Variants in RASGRF1 observed in about 807,000 individuals in gnomAD.
RASGRF1 encodes the protein Ras protein specific guanine nucleotide releasing factor 1.
A neutral mutation model predicts 138.7 loss-of-function variants in RASGRF1; 40 were observed. The ratio of observed to expected loss-of-function variants is 0.29; its 90% CI spans 0.22 to 0.38. The LOEUF is 0.38. Among genes scored for constraint, RASGRF1 ranks in the 10% least tolerant of loss-of-function variants. RASGRF1 has a pLI of 1.00. For missense variants in RASGRF1, 1,108 were observed against 1,650.4 expected (o/e 0.67, Z 5.69); for synonymous variants, 614 against 663.2 (o/e 0.93, Z 1.14).
chr15:79,030,183 A>C (rs1595919092), intron 8 of RASGRF1, among the ~76,000 whole-genome samples: 2 of 152,144 alleles, frequency 1.3e-5, no homozygotes, highest in African/African-American at 4.8e-5. Flanking sequence ...CCCTCCACCC[A>C]GCTGGGAGCT....
At chr15:78,969,018 T>G (rs1268273311) in intron 26 of RASGRF1, among the ~76,000 whole-genome samples, 3 of 152,174 alleles carry the variant, frequency 2.0e-5, no homozygotes, top group African/African-American at 7.2e-5. Context: ...TGACTACAAA[T>G]CCCCACCTGT....
In RASGRF1 at chr15:78,998,242, C is replaced by T. The variant is rs1022650456; in HGVS notation, c.2854-34G>A. On this transcript the variant is annotated intron_variant, in intron 18 of 26. Transcript: ENST00000558480. ...AAGGTGTGATGGGTGGCTCTGGTTA[C>T]TGTTTTTGAGCTGCTCTGCAGTGGT... is the stretch of plus-strand genomic sequence containing the variant. 5 of 1,563,440 alleles carry T rather than the reference C, an allele frequency of 3.2e-6. No individual in the cohort carries two copies. In the East Asian group the frequency reaches 1.1e-4, roughly 35 times the overall value.
At chr15:79,084,787 C>T (rs1169123200) in intron 1 of RASGRF1, among the ~76,000 whole-genome samples, 1 of 152,208 alleles carries the variant, frequency 6.6e-6, no homozygotes, top group East Asian at 1.9e-4. Context: ...TGCTTGTCTT[C>T]AGCTCTCCCC....
intron 22 of RASGRF1, among the ~76,000 whole-genome samples, chr15:78,988,839 G>T (rs1302992121): frequency 2.4e-5 from 3 of 127,080 alleles, no homozygotes; most frequent in Admixed American, 8.1e-5. Flanking sequence ...CTGGGAGGGA[G>T]TTTTTTTTTT....
At position 79,020,063 on chromosome 15, in the gene RASGRF1, C is replaced by G. The variant is rs1318324058; in HGVS notation, c.1584G>C (p.Glu528Asp). 6.2e-7 allele frequency: 1 copy of G among 1,614,012 alleles called. No homozygotes were observed. The highest frequency in any genetic ancestry group is 1.1e-5 in the South Asian group (1 of 91,088). ...ISLIDCTLLE[E>D]PESTEEEAKG... ...CACCTTCCTCCTCCGTGCTTTCTGGCTCCTCCAATAAAGTGCAGTCAATGA... is the reference window on the plus strand; with the variant it reads ...CACCTTCCTCCTCCGTGCTTTCTGGGTCCTCCAATAAAGTGCAGTCAATGA... The change falls in exon 11 of 27, where the codon GAG becomes GAC. Residue 528 changes from glutamate (E) to aspartate (D), a missense_variant. Coordinates refer to ENST00000558480, the MANE Select transcript of RASGRF1 (RefSeq NM_001145648.3).
chr15:79,018,585 C>T (rs1056199495), intron 11 of RASGRF1, among the ~76,000 whole-genome samples: 10 of 152,208 alleles, frequency 6.6e-5, no homozygotes, highest in Non-Finnish European at 1.3e-4. Flanking sequence ...AGCTCTATGG[C>T]TGTGTGATGT....
At chr15:79,005,531 C>A in intron 14 of RASGRF1, 1 of 985,676 alleles carries the variant, frequency 1.0e-6, no homozygotes, top group Non-Finnish European at 1.2e-6. Flanking sequence ...GGGGCCTGAG[C>A]CAATCCCTGA....
intron 4 of RASGRF1, among the ~76,000 whole-genome samples, chr15:79,047,526 G>C (rs761796135): frequency 6.6e-6 from 1 of 152,218 alleles, no homozygotes; most frequent in Non-Finnish European, 1.5e-5. Context: ...TTGGATAGAA[G>C]GGTGATTATC....
In RASGRF1 at chr15:79,078,622, C is replaced by G. The variant is rs565883427; in HGVS notation, c.276+11601G>C. On this transcript the variant is annotated intron_variant, in intron 1 of 26. Transcript: ENST00000558480. ...ACTCATCCACCCTGACTACTCATAC[C>G]CCCTACCTCTCCTGATGTGGCTTCA... 6.8e-4 allele frequency among the ~76,000 whole-genome samples: 103 copies of G among 152,280 alleles called. 1 individual carries two copies. The highest frequency in any genetic ancestry group is 2.4e-3 in the African/African-American group (100 of 41,556).
intron 1 of RASGRF1, among the ~76,000 whole-genome samples, chr15:79,080,758 G>C (rs2057904013): frequency 6.6e-6 from 1 of 152,144 alleles, no homozygotes. Context: ...CATTAGCCCT[G>C]ATGGATTAGT....
chr15:78,979,022 G>GC (rs1357288776), intron 24 of RASGRF1: 2 of 1,293,724 alleles, frequency 1.5e-6, no homozygotes, highest in Non-Finnish European at 2.0e-6. Flanking sequence ...AGCGGTGGTG[G>GC]CGGCGGCAGA....
Position 79,028,782 on chromosome 15 carries a change from C to T in RASGRF1, c.1263-923G>A, listed in dbSNP as rs985152035. ...CCTGAATTTCCACAGTTAAGACCAACAAGAAGGCTGGTTAATATGTGCGGC... is the reference window on the plus strand; with the variant it reads ...CCTGAATTTCCACAGTTAAGACCAATAAGAAGGCTGGTTAATATGTGCGGC... On this transcript the variant is annotated intron_variant, in intron 8 of 26. Transcript: ENST00000558480. Among the ~76,000 whole-genome samples the T allele has an allele frequency of 3.7e-4, 57 of 152,176 alleles. 1 individual carries two copies. The highest frequency in any genetic ancestry group is 1.4e-3 in the African/African-American group (57 of 41,434).
chr15:78,980,756 C>CT, intron 23 of RASGRF1, 57 bp from the exon 24 acceptor site: 12 of 1,354,056 alleles, frequency 8.9e-6, no homozygotes, highest in Non-Finnish European at 1.3e-5. Context: ...TCCCCGAGGC[C>CT]CGGGGATCAG....
chr15:79,055,468 T>TC (rs1474366083), intron 3 of RASGRF1, among the ~76,000 whole-genome samples: 9 of 152,114 alleles, frequency 5.9e-5, no homozygotes, highest in Admixed American at 5.9e-4. Flanking sequence ...CCCAAGATGG[T>TC]CCTTCTTTCA....
At position 78,999,779 on chromosome 15, in the gene RASGRF1, T is replaced by G; in HGVS notation, c.2710A>C (p.Lys904Gln). 3 of 1,614,086 alleles carry G rather than the reference T, an allele frequency of 1.9e-6. No individual in the cohort carries two copies. The highest frequency in any genetic ancestry group is 1.1e-5 in the South Asian group (1 of 91,080). ...TAGANEGTPN[K>Q]EKYRRMSLAS... is the part of the protein sequence containing the mutation. ...AAGGACATCCTCCGGTACTTCTCCTTGTTTGGGGTGCCCTCGTTGGCCCCG... is the reference window on the plus strand; with the variant it reads ...AAGGACATCCTCCGGTACTTCTCCTGGTTTGGGGTGCCCTCGTTGGCCCCG... Residue 904 changes from lysine (K) to glutamine (Q), a missense_variant, in exon 17 of 27, where the codon AAG becomes CAG. Lys to Gln is a moderately conservative substitution (Grantham distance 53, BLOSUM62 1). Coordinates refer to ENST00000558480, the MANE Select transcript of RASGRF1 (RefSeq NM_001145648.3).
intron 3 of RASGRF1, among the ~76,000 whole-genome samples, chr15:79,053,052 G>C (rs1011008998): frequency 6.6e-6 from 1 of 152,070 alleles, no homozygotes; most frequent in African/African-American, 2.4e-5. Flanking sequence ...GATCACCTGA[G>C]GTCTGGAGTT....
chr15:79,084,930 G>C (rs1047386813), intron 1 of RASGRF1, among the ~76,000 whole-genome samples: 7 of 152,088 alleles, frequency 4.6e-5, no homozygotes, highest in African/African-American at 1.7e-4. Context: ...GTGTCTCTTG[G>C]TGAAGTTTTT....
intron 1 of RASGRF1, among the ~76,000 whole-genome samples, chr15:79,076,177 C>T (rs1413688802): frequency 6.6e-6 from 1 of 152,140 alleles, no homozygotes; most frequent in East Asian, 1.9e-4. Flanking sequence ...TTCTGATTAT[C>T]TTTCCAGCTA....
Position 79,004,097 on chromosome 15 carries a change from G to C in RASGRF1, c.2154C>G (p.Thr718=), listed in dbSNP as rs371105843. 2.5e-6 allele frequency: 4 copies of C among 1,613,946 alleles called. No individual in the cohort carries two copies. Among genetic ancestry groups the C allele is most frequent in the Non-Finnish European group, 3.4e-6 (4 of 1,179,992 alleles). ...YGEPPKSPRA[T]RKFSSPPPLS... is the part of the protein sequence containing the mutation. ...GAGGTGGCGGCGAGGAGAACTTGCGGGTGGCGCGCGGGGACTTGGGGGGTT... is the reference window on the plus strand; with the variant it reads ...GAGGTGGCGGCGAGGAGAACTTGCGCGTGGCGCGCGGGGACTTGGGGGGTT... Residue 718 remains threonine, a synonymous_variant, in exon 15 of 27, where the codon ACC becomes ACG. Transcript: ENST00000558480.
Sources: allele counts gnomAD v4.1 joint callset (sites outside exome capture counted in the v4.1 genomes callset), GRCh38; gene constraint gnomAD v4.1.1; transcripts MANE v1.5; gene names NCBI Gene and HGNC (gene_info 2026-07-23, HGNC 2026-07-21).